TMTC1: variants seen among roughly 807,000 people sequenced by gnomAD.
The protein encoded by TMTC1 is protein O-mannosyl-transferase TMTC1.
A neutral mutation model predicts 104.8 loss-of-function variants in TMTC1; 73 were observed. That is an observed-to-expected ratio of 0.70 (90% confidence interval 0.58 to 0.85). The LOEUF (loss-of-function observed/expected upper bound fraction) is 0.85, where lower values mean the gene tolerates loss of function less well. Among genes scored for constraint, TMTC1 ranks in the 40% least tolerant of loss-of-function variants. TMTC1 has a pLI of 0.00. For synonymous variants in TMTC1, 434 were observed against 428.7 expected (o/e 1.01, Z -0.15); for missense variants, 1,035 against 1,096.1 (o/e 0.94, Z 0.79).
chr12:29,761,180 T>C (rs530646471), intron 2 of TMTC1, among the ~76,000 whole-genome samples: 2 of 149,910 alleles, frequency 1.3e-5, no homozygotes, highest in East Asian at 3.9e-4. Flanking sequence ...TAAATTATAT[T>C]ATAGAAAGAC....
At chr12:29,734,629 A>T (rs1014476611) in intron 5 of TMTC1, among the ~76,000 whole-genome samples, 8 of 152,254 alleles carry the variant, frequency 5.3e-5, no homozygotes, top group African/African-American at 1.9e-4. Flanking sequence ...AAATACTTTA[A>T]GAATATACCA....
At chr12:29,591,964 C>T (rs1355102650) in intron 7 of TMTC1, among the ~76,000 whole-genome samples, 1 of 151,936 alleles carries the variant, frequency 6.6e-6, no homozygotes, top group Non-Finnish European at 1.5e-5. Context: ...GCAGAATTCA[C>T]AGAAGTGGAA....
chr12:29,546,337 C>T (rs576891721), intron 10 of TMTC1, among the ~76,000 whole-genome samples: 17 of 152,150 alleles, frequency 1.1e-4, no homozygotes, highest in Middle Eastern at 6.8e-3. Context: ...CTATGCTGGC[C>T]GGCAGACAAG....
At chr12:29,687,256 A>G (rs1300366022) in intron 5 of TMTC1, among the ~76,000 whole-genome samples, 2 of 152,160 alleles carry the variant, frequency 1.3e-5, no homozygotes, top group African/African-American at 2.4e-5. Flanking sequence ...CATGATGAGT[A>G]GTGGACAAAC....
intron 11 of TMTC1, 127 bp from the exon 12 acceptor site, chr12:29,520,847 A>G (rs1592162056): frequency 1.4e-6 from 1 of 689,758 alleles, no homozygotes; most frequent in East Asian, 2.7e-5. Context: ...ACAACAGGCT[A>G]CTGAGATAAG....
intron 5 of TMTC1, among the ~76,000 whole-genome samples, chr12:29,635,856 A>G (rs1459413182): frequency 6.6e-6 from 1 of 152,186 alleles, no homozygotes; most frequent in Non-Finnish European, 1.5e-5. Flanking sequence ...ATGGGAAGAG[A>G]AGGAGGGAGA....
At chr12:29,664,535 A>G (rs1184590564) in intron 5 of TMTC1, among the ~76,000 whole-genome samples, 1 of 152,216 alleles carries the variant, frequency 6.6e-6, no homozygotes, top group Non-Finnish European at 1.5e-5. Flanking sequence ...ACGATCTGTG[A>G]AGTAGAACCA....
intron 7 of TMTC1, among the ~76,000 whole-genome samples, chr12:29,588,294 A>T (rs1946193501): frequency 6.6e-6 from 1 of 152,168 alleles, no homozygotes; most frequent in Non-Finnish European, 1.5e-5. Flanking sequence ...TCACTTCCAC[A>T]ACTCCCTGGT....
chr12:29,772,375 G>C (rs757738916), intron 1 of TMTC1, among the ~76,000 whole-genome samples: 3 of 151,882 alleles, frequency 2.0e-5, no homozygotes, highest in African/African-American at 7.3e-5. Context: ...TTTTGTGTAC[G>C]GTAAAGAGGA....
chr12:29,629,771 T>C (rs1444893465), intron 6 of TMTC1, among the ~76,000 whole-genome samples: 2 of 152,206 alleles, frequency 1.3e-5, no homozygotes, highest in Admixed American at 6.5e-5. Context: ...ACACTGTAAA[T>C]ACACTAAGTA....
At chr12:29,604,128 T>C (rs754651251) in intron 7 of TMTC1, 50 bp downstream of exon 7, 8 of 1,607,950 alleles carry the variant, frequency 5.0e-6, no homozygotes, top group Non-Finnish European at 6.8e-6. Flanking sequence ...ACTATCAATG[T>C]TGGTGACAGA....
intron 5 of TMTC1, among the ~76,000 whole-genome samples, chr12:29,636,638 T>C (rs1341774303): frequency 1.3e-5 from 2 of 151,734 alleles, no homozygotes; most frequent in East Asian, 3.9e-4. Flanking sequence ...TCCAACATGG[T>C]GAAACCCTGT....
At chr12:29,768,551 C>G (rs1943526394) in intron 1 of TMTC1, among the ~76,000 whole-genome samples, 1 of 152,122 alleles carries the variant, frequency 6.6e-6, no homozygotes, top group South Asian at 2.1e-4. Context: ...TGAATGTGTT[C>G]TCTCACCCAT....
chr12:29,683,984 T>C (rs1214918095), intron 5 of TMTC1, among the ~76,000 whole-genome samples: 2 of 152,084 alleles, frequency 1.3e-5, no homozygotes, highest in Non-Finnish European at 2.9e-5. Context: ...GCTGGGACTA[T>C]AGGCGTGTGC....
At position 29,751,523 on chromosome 12, in the gene TMTC1, A is replaced by G; in HGVS notation, c.938+143T>C. ...AGGAAGGGAGGGAAATAGGGACAGG[A>G]AGAAGGGGGTAAGGAGGGAAGCATG... On this transcript the variant is annotated intron_variant, in intron 5 of 17. Coordinates refer to ENST00000539277, the MANE Select transcript of TMTC1 (RefSeq NM_001193451.2). 4 of 821,714 alleles carry G rather than the reference A, an allele frequency of 4.9e-6. No homozygotes were observed. The South Asian group carries it at 6.0e-5, about 12-fold the overall frequency. 50.9% of individuals were successfully genotyped at this position (821,714 alleles called of 1,614,324 possible). A position where few individuals can be genotyped will look rare whatever the true frequency, so the allele number is the denominator to read the frequency against.
At chr12:29,768,933 G>GA (rs1943535293) in intron 1 of TMTC1, among the ~76,000 whole-genome samples, 1 of 152,182 alleles carries the variant, frequency 6.6e-6, no homozygotes, top group Non-Finnish European at 1.5e-5. Context: ...TGGGGTTACA[G>GA]AAAAAATACA....
chr12:29,547,763 T>A (rs1229382047), intron 10 of TMTC1, among the ~76,000 whole-genome samples: 3 of 152,164 alleles, frequency 2.0e-5, no homozygotes, highest in Admixed American at 1.3e-4. Context: ...TGCTAAGACA[T>A]TTGGACTCTA....
intron 5 of TMTC1, among the ~76,000 whole-genome samples, chr12:29,661,113 C>T (rs1215797521): frequency 1.3e-5 from 2 of 152,064 alleles, no homozygotes; most frequent in Admixed American, 6.6e-5. Flanking sequence ...ATTTTACTCA[C>T]TTATAAAAGG....
At chr12:29,668,648 A>G (rs1357738647) in intron 5 of TMTC1, among the ~76,000 whole-genome samples, 1 of 151,888 alleles carries the variant, frequency 6.6e-6, no homozygotes, top group African/African-American at 2.4e-5. Context: ...TTTAGTAGAG[A>G]CAGGGTTTTG....
Sources: gnomAD v4.1 joint callset for allele counts (sites outside exome capture counted in the v4.1 genomes callset) on GRCh38, gnomAD v4.1.1 for gene constraint, MANE v1.5 for transcripts, NCBI Gene and HGNC (gene_info 2026-07-23, HGNC 2026-07-21) for gene names.